RELL1: variants seen among roughly 807,000 people sequenced by gnomAD.
The protein encoded by RELL1 is RELT like 1.
RELL1 carries 10 observed loss-of-function variants against 23.0 expected under a neutral mutation model. The ratio of observed to expected loss-of-function variants is 0.43; its 90% CI spans 0.27 to 0.74. The LOEUF (loss-of-function observed/expected upper bound fraction) is 0.74, where lower values mean the gene tolerates loss of function less well. RELL1 is among the 30% of genes least tolerant of loss of function. The pLI is 0.19. For missense variants in RELL1, 315 were observed against 364.4 expected (o/e 0.86, Z 1.10); for synonymous variants, 146 against 146.8 (o/e 0.99, Z 0.04).
At chr4:37,665,817 G>A (rs1178376917) in intron 1 of RELL1, among the ~76,000 whole-genome samples, 1 of 152,200 alleles carries the variant, frequency 6.6e-6, no homozygotes, top group East Asian at 1.9e-4. Flanking sequence ...TCCTTGGGGA[G>A]CTAGATCCCT....
chr4:37,634,314 A>T (rs1485054175), intron 5 of RELL1, among the ~76,000 whole-genome samples: 1 of 152,264 alleles, frequency 6.6e-6, no homozygotes, highest in African/African-American at 2.4e-5. Context: ...GACCAGATCC[A>T]CGTCTTCTCC....
At chr4:37,680,526 G>A (rs1197460879) in intron 1 of RELL1, among the ~76,000 whole-genome samples, 1 of 152,144 alleles carries the variant, frequency 6.6e-6, no homozygotes, top group Non-Finnish European at 1.5e-5. Flanking sequence ...TTTTTTGGGT[G>A]TATAGGGAAA....
chr4:37,609,728 G>C (rs980615382), downstream of RELL1, among the ~76,000 whole-genome samples: 2 of 152,218 alleles, frequency 1.3e-5, no homozygotes, highest in African/African-American at 4.8e-5. Context: ...AGTGGAGGAA[G>C]TCACTGCAGA....
chr4:37,650,949 C>A (rs1229743927), intron 1 of RELL1, among the ~76,000 whole-genome samples: 3 of 151,456 alleles, frequency 2.0e-5, no homozygotes, highest in African/African-American at 7.3e-5. Flanking sequence ...GTGCCAGCTA[C>A]TGGAGAGGCA....
intron 3 of RELL1, among the ~76,000 whole-genome samples, chr4:37,642,847 T>G (rs1391890614): frequency 1.3e-5 from 2 of 152,136 alleles, no homozygotes; most frequent in Non-Finnish European, 2.9e-5. Context: ...AACAACAAGA[T>G]TTGATAGCTT....
rs1719121130 is a variant in RELL1 at position 37,604,822 on chromosome 4, G to GACACACAC, written c.*4-13613_*4-13606dup. 9.9e-3 allele frequency among the ~76,000 whole-genome samples: 390 copies of GACACACAC among 39,534 alleles called. 28 individuals are homozygous for GACACACAC. Among genetic ancestry groups the GACACACAC allele is most frequent in the African/African-American group, 0.023 (343 of 14,626 alleles). 25.9% of individuals were successfully genotyped at this position (39,534 alleles called of 152,430 possible). The stretch of plus-strand genomic sequence containing the variant: ...AGACACACACACAGACACACACACA[G>GACACACAC]ACACACACATACACACAGACACACA... On this transcript the variant is annotated intron_variant, in intron 6 of 6. Coordinates refer to the RELL1 transcript ENST00000314117.
rs533785372 is a variant in RELL1, at chr4:37,600,193, C to T, written c.*4-8976G>A. Among the ~76,000 whole-genome samples the T allele has an allele frequency of 7.0e-4, 105 of 151,000 alleles. 1 individual carries two copies. The highest frequency in any genetic ancestry group is 7.4e-4 in the Non-Finnish European group (50 of 67,962). ...GCTGAGGCAGGAGAATTGCTTTAAT[C>T]CAGGGGGCGGAGGTTGCAGTGAGCC... On this transcript the variant is annotated intron_variant, in intron 6 of 6. Transcript: ENST00000314117.
intron 1 of RELL1, among the ~76,000 whole-genome samples, chr4:37,652,690 G>A (rs1720990493): frequency 6.6e-6 from 1 of 152,162 alleles, no homozygotes. Flanking sequence ...GATTGAGAAG[G>A]TGTCTTCATC....
chr4:37,649,733 T>G (rs1034134217), intron 1 of RELL1, among the ~76,000 whole-genome samples: 2 of 152,232 alleles, frequency 1.3e-5, no homozygotes, highest in African/African-American at 4.8e-5. Context: ...TTTTAAAACA[T>G]CCTTTGAAGA....
At chr4:37,617,239 C>G (rs1009616211) in intron 6 of RELL1, among the ~76,000 whole-genome samples, 14 of 152,172 alleles carry the variant, frequency 9.2e-5, no homozygotes, top group Non-Finnish European at 1.8e-4. Context: ...GGGTTGCAGT[C>G]CAGGACTCTG....
chr4:37,662,011 C>A (rs1186861497), intron 1 of RELL1, among the ~76,000 whole-genome samples: 3 of 152,076 alleles, frequency 2.0e-5, no homozygotes, highest in Non-Finnish European at 4.4e-5. Flanking sequence ...GAAACAAAAC[C>A]CCACCCAACG....
chr4:37,621,015 G>A (rs1400101610), intron 6 of RELL1, among the ~76,000 whole-genome samples: 1 of 152,178 alleles, frequency 6.6e-6, no homozygotes, highest in African/African-American at 2.4e-5. Context: ...AAAAGTGACA[G>A]CCAAGATCTT....
chr4:37,681,598 A>T (rs1214950701), intron 1 of RELL1, among the ~76,000 whole-genome samples: 1 of 136,192 alleles, frequency 7.3e-6, no homozygotes, highest in South Asian at 2.3e-4. Flanking sequence ...GCACGATCTC[A>T]GCTCACTGCA....
At position 37,612,094 on chromosome 4, in the gene RELL1, G is replaced by A. The variant is rs902362479; in HGVS notation, c.*1252C>T. ...CAGGAGGCTGAGGCAGGAGAATGGCGTGAACTCAGAAGGTGGAGCTTGCAG... is the reference window on the plus strand; with the variant it reads ...CAGGAGGCTGAGGCAGGAGAATGGCATGAACTCAGAAGGTGGAGCTTGCAG... On this transcript the variant is annotated 3_prime_UTR_variant, in exon 7 of 7. Coordinates refer to ENST00000454158, the MANE Select transcript of RELL1 (RefSeq NM_001085400.2). Among the ~76,000 whole-genome samples, 5 of 149,924 alleles carry A rather than the reference G, an allele frequency of 3.3e-5. No individual in the cohort carries two copies. The highest frequency in any genetic ancestry group is 2.1e-4 in the South Asian group (1 of 4,756).
At chr4:37,588,685 G>A (rs777362812), downstream of RELL1, 4 of 569,970 alleles carry the variant, frequency 7.0e-6, no homozygotes, top group East Asian at 2.8e-5. Flanking sequence ...GGGTATTCCT[G>A]GTAACCAGCA....
chr4:37,634,986 C>T lies in RELL1; in HGVS notation c.581G>A (p.Arg194Gln), dbSNP rs182199681. ...AAAGTGCCACCGCTTGTGCCTACACCGATGACACACATCCCTCTCGACAAC... is the reference window on the plus strand; with the variant it reads ...AAAGTGCCACCGCTTGTGCCTACACTGATGACACACATCCCTCTCGACAAC... ...GGVVERDVCH[R>Q]CRHKRWHFIK... Residue 194 changes from arginine to glutamine, a missense_variant, in exon 5 of 7, where the codon CGG (arginine) becomes CAG (glutamine). Physicochemically the swap from Arg to Gln is conservative, Grantham distance 43 (BLOSUM62 1). Coordinates refer to ENST00000454158, the MANE Select transcript of RELL1 (RefSeq NM_001085400.2). The T allele has an allele frequency of 1.1e-4, 181 of 1,614,248 alleles. No individual in the cohort carries two copies. The highest frequency in any genetic ancestry group is 1.7e-5 in the Admixed American group (1 of 60,034).
chr4:37,598,252 C>CAAAAAAAAAAAAAAAAA (rs56142508), intron 6 of RELL1, among the ~76,000 whole-genome samples: 1 of 11,342 alleles, frequency 8.8e-5, no homozygotes, highest in Admixed American at 6.8e-4. Context: ...AACTCTGTCT[C>CAAAAAAAAAAAAAAAAA]AAAAAAAAAA....
At chr4:37,588,643 C>G (rs1029277765), downstream of RELL1, 6 of 523,440 alleles carry the variant, frequency 1.1e-5, no homozygotes, top group Non-Finnish European at 2.1e-5. Context: ...TGTCAGTGAA[C>G]GTTTGAGAAC....
intron 6 of RELL1, among the ~76,000 whole-genome samples, chr4:37,600,780 CGTGTGTGT>C (rs71189087): frequency 6.8e-6 from 1 of 147,680 alleles, no homozygotes. Flanking sequence ...TGGATTTGTG[CGTGTGTGT>C]GTGTGTGTGT....
Sources: allele counts gnomAD v4.1 joint callset (sites outside exome capture counted in the v4.1 genomes callset), GRCh38; gene constraint gnomAD v4.1.1; transcripts MANE v1.5; gene names NCBI Gene and HGNC (gene_info 2026-07-23, HGNC 2026-07-21).